The following CCDC126 variants were observed in gnomAD, a reference collection of about 807,000 sequenced individuals.
CCDC126 encodes coiled-coil domain containing 126, also known as coiled-coil domain-containing protein 126.
In CCDC126, 5 loss-of-function variants were observed where a neutral mutation model predicts 11.7. The ratio of observed to expected loss-of-function variants is 0.43; its 90% confidence interval spans 0.22 to 0.90. The LOEUF is 0.90. Among genes scored for constraint, CCDC126 ranks in the 40% least tolerant of loss-of-function variants. CCDC126 has a pLI of 0.27. For synonymous variants in CCDC126, 60 were observed against 61.9 expected (o/e 0.97, Z 0.14); for missense variants, 150 against 163.1 (o/e 0.92, Z 0.44).
At chr7:23,635,944 A>G (rs1783201125) in intron 3 of CCDC126, among the ~76,000 whole-genome samples, 1 of 151,774 alleles carries the variant, frequency 6.6e-6, no homozygotes, top group East Asian at 1.9e-4. Context: ...CCAAAGCTGG[A>G]CGGTACTGCT....
At chr7:23,636,831 G>A (rs1429673084) in intron 3 of CCDC126, among the ~76,000 whole-genome samples, 2 of 118,222 alleles carry the variant, frequency 1.7e-5, no homozygotes, top group Non-Finnish European at 3.6e-5. Context: ...GGGCTCCTCT[G>A]CCCGGCCGCC....
At chr7:23,602,969 G>C (rs948254082) in intron 2 of CCDC126, among the ~76,000 whole-genome samples, 4 of 152,250 alleles carry the variant, frequency 2.6e-5, no homozygotes, top group East Asian at 3.9e-4. Context: ...TTGCTATTGT[G>C]AATGAATTAG....
rs552885370 is a variant in CCDC126, at chr7:23,621,966, T to G, written c.238+10413T>G. 2.0e-5 allele frequency among the ~76,000 whole-genome samples: 3 copies of G among 152,350 alleles called. No homozygotes were observed. The East Asian group carries it at 5.8e-4, about 29-fold the overall frequency. ...AAGGTGGATAAGCTTTTTGGTGTGC[T>G]GCTGGATTCGGTTTGCCAGTGTTTT... On this transcript the variant is annotated intron_variant, in intron 3 of 3. Transcript: ENST00000307471.
intron 2 of CCDC126, among the ~76,000 whole-genome samples, chr7:23,610,620 C>A (rs1275427297): frequency 6.6e-6 from 1 of 152,156 alleles, no homozygotes; most frequent in Non-Finnish European, 1.5e-5. Flanking sequence ...TCTTAGATTG[C>A]ATCTTGGATT....
At chr7:23,599,402 G>C (rs947575230) in intron 2 of CCDC126, among the ~76,000 whole-genome samples, 1 of 152,162 alleles carries the variant, frequency 6.6e-6, no homozygotes, top group Admixed American at 6.5e-5. Context: ...GGGACATGTG[G>C]CACAAAACAT....
At chr7:23,621,946 G>T (rs1782909455) in intron 3 of CCDC126, among the ~76,000 whole-genome samples, 1 of 152,196 alleles carries the variant, frequency 6.6e-6, no homozygotes, top group Non-Finnish European at 1.5e-5. Flanking sequence ...TGATCAAGGT[G>T]GATAAGCTTT....
chr7:23,612,538 T>C (rs970122515), intron 3 of CCDC126, among the ~76,000 whole-genome samples: 2 of 138,520 alleles, frequency 1.4e-5, no homozygotes, highest in African/African-American at 2.7e-5. Context: ...CCAGGCATGG[T>C]GATACACACC....
At chr7:23,630,919 AAAT>A (rs1219281464) in intron 3 of CCDC126, among the ~76,000 whole-genome samples, 1 of 152,008 alleles carries the variant, frequency 6.6e-6, no homozygotes, top group African/African-American at 2.4e-5. Flanking sequence ...ACATACTTCT[AAAT>A]AATGAGTCAA....
At chr7:23,607,760 G>A (rs1413809131) in intron 2 of CCDC126, among the ~76,000 whole-genome samples, 3 of 152,280 alleles carry the variant, frequency 2.0e-5, no homozygotes, top group Middle Eastern at 3.4e-3. Flanking sequence ...TGGGGGTAAC[G>A]ACTCAGGTTC....
At chr7:23,613,885 A>T (rs539485040) in intron 3 of CCDC126, among the ~76,000 whole-genome samples, 211 of 152,352 alleles carry the variant, frequency 1.4e-3, no homozygotes, top group African/African-American at 4.7e-3. Context: ...CAGTAGCATT[A>T]TGTCTTAAAA....
chr7:23,642,903 T>A (rs763863100), intron 3 of CCDC126, 28 bp from the exon 4 acceptor site: 1 of 1,596,504 alleles, frequency 6.3e-7, no homozygotes, highest in Non-Finnish European at 8.6e-7. Flanking sequence ...TCTATTAATG[T>A]TAATTTTATT....
intron 3 of CCDC126, among the ~76,000 whole-genome samples, chr7:23,638,228 A>G (rs1052541173): frequency 2.7e-4 from 41 of 152,010 alleles, no homozygotes; most frequent in Middle Eastern, 3.2e-3. Context: ...CTAGCGACTC[A>G]TTGGGGATGG....
intron 3 of CCDC126, among the ~76,000 whole-genome samples, chr7:23,631,723 T>C (rs1395048182): frequency 2.0e-5 from 3 of 151,614 alleles, no homozygotes; most frequent in African/African-American, 7.3e-5. Context: ...ATGGAGCCAC[T>C]GCACCTCAGC....
chr7:23,636,751 C>A, intron 3 of CCDC126, among the ~76,000 whole-genome samples: 1 of 145,246 alleles, frequency 6.9e-6, no homozygotes, highest in South Asian at 2.2e-4. Flanking sequence ...CCGGCAGCCA[C>A]CCCGTCCGGG....
intron 3 of CCDC126, among the ~76,000 whole-genome samples, chr7:23,632,614 T>C (rs558664794): frequency 6.6e-6 from 1 of 152,378 alleles, no homozygotes; most frequent in South Asian, 2.1e-4. Context: ...TGCAAGATGT[T>C]ACCATTGTAG....
At chr7:23,622,591 A>G (rs1185952160) in intron 3 of CCDC126, 2 of 536,786 alleles carry the variant, frequency 3.7e-6, no homozygotes, top group South Asian at 1.4e-5. Flanking sequence ...AAATTGAGAA[A>G]TTGGGGCAGA....
intron 3 of CCDC126, among the ~76,000 whole-genome samples, chr7:23,621,839 C>G (rs995909951): frequency 6.6e-6 from 1 of 152,100 alleles, no homozygotes; most frequent in Admixed American, 6.5e-5. Flanking sequence ...TTGAGATAAT[C>G]ATGTGGTTTT....
At position 23,605,900 on chromosome 7, in the gene CCDC126, CA is replaced by C. The variant is rs546742722; in HGVS notation, c.-145-5270del. Among the ~76,000 whole-genome samples, 48 of 152,080 alleles carry C rather than the reference CA, an allele frequency of 3.2e-4. 1 individual carries two copies. In the South Asian group the frequency reaches 9.4e-3, roughly 30 times the overall value. ...TGAGGAAATGCCATACTGTCTTCCC[CA>C]GCAGCCACACCATTTTATGTGCCCA... is the stretch of plus-strand genomic sequence containing the variant. On this transcript the variant is annotated intron_variant, in intron 2 of 3. Coordinates refer to ENST00000307471, the MANE Select transcript of CCDC126 (RefSeq NM_138771.4).
chr7:23,599,989 T>C (rs1782506698), intron 2 of CCDC126, among the ~76,000 whole-genome samples: 1 of 152,186 alleles, frequency 6.6e-6, no homozygotes, highest in Admixed American at 6.5e-5. Context: ...TTCACCATGT[T>C]GACCAGACTG....
Sources: gnomAD v4.1 joint callset for allele counts (sites outside exome capture counted in the v4.1 genomes callset) on GRCh38, gnomAD v4.1.1 for gene constraint, MANE v1.5 for transcripts, NCBI Gene and HGNC (gene_info 2026-07-23, HGNC 2026-07-21) for gene names.